EXOC4: variants seen among roughly 807,000 people sequenced by gnomAD.
EXOC4 encodes the protein exocyst complex component 4.
EXOC4 carries 71 observed loss-of-function variants against 107.2 expected under a neutral mutation model. The observed-to-expected ratio is 0.66, with a 90% CI of 0.55 to 0.81. The LOEUF (loss-of-function observed/expected upper bound fraction) is 0.81, where lower values mean the gene tolerates loss of function less well. EXOC4 is among the 30% of genes least tolerant of loss of function. The probability of loss-of-function intolerance (pLI) is 0.00; values close to 1 mark genes in which losing one functional copy is unlikely to be tolerated. For synonymous variants in EXOC4, 456 were observed against 441.2 expected (o/e 1.03, Z -0.42); for missense variants, 1,108 against 1,189.6 (o/e 0.93, Z 1.01).
rs867098160 is a variant in EXOC4, at chr7:133,755,253, T to A, written c.1515-62072T>A. Among the ~76,000 whole-genome samples, 148 of 99,978 alleles carry A rather than the reference T, an allele frequency of 1.5e-3. No homozygotes were observed. The Middle Eastern group carries it at 0.034, about 23-fold the overall frequency. 65.6% of individuals were successfully genotyped at this position (99,978 alleles called of 152,430 possible). On this transcript the variant is annotated intron_variant, in intron 10 of 17. Transcript: ENST00000253861. ...ATATATAATATATATAATATATATA[T>A]TATATATATATTATATATATTATAT...
intron 1 of EXOC4, among the ~76,000 whole-genome samples, 165 bp from the exon 2 acceptor site, chr7:133,274,817 A>G (rs1793950885): frequency 6.6e-6 from 1 of 152,226 alleles, no homozygotes; most frequent in Non-Finnish European, 1.5e-5. Context: ...ATTGAAATTT[A>G]CTGTGAAGGA....
At chr7:133,330,324 C>T (rs144541312) in intron 5 of EXOC4, among the ~76,000 whole-genome samples, 9 of 152,158 alleles carry the variant, frequency 5.9e-5, no homozygotes, top group Admixed American at 2.0e-4. Flanking sequence ...ATGCTGGCAC[C>T]GAGAATTTCA....
chr7:133,979,647 GC>G (rs1320780512), intron 14 of EXOC4, among the ~76,000 whole-genome samples: 10 of 152,168 alleles, frequency 6.6e-5, no homozygotes, highest in Middle Eastern at 3.4e-3. Context: ...AATTAGCCGG[GC>G]ATGGTGGCGG....
chr7:133,792,077 T>C (rs1796714248), intron 10 of EXOC4, among the ~76,000 whole-genome samples: 2 of 152,044 alleles, frequency 1.3e-5, no homozygotes, highest in African/African-American at 4.8e-5. Context: ...AACACGTGTA[T>C]GCCCAGACCC....
chr7:134,008,287 G>A (rs751740068), intron 17 of EXOC4, among the ~76,000 whole-genome samples: 6 of 152,124 alleles, frequency 3.9e-5, no homozygotes, highest in Non-Finnish European at 7.4e-5. Flanking sequence ...CTGGAACTGT[G>A]TTAATGCAAT....
At chr7:133,837,679 G>C (rs115098892) in intron 11 of EXOC4, among the ~76,000 whole-genome samples, 1 of 152,250 alleles carries the variant, frequency 6.6e-6, no homozygotes, top group East Asian at 1.9e-4. Flanking sequence ...TTCTTAGCTC[G>C]TGAAGCTGTT....
chr7:133,790,691 A>G (rs1414426948), intron 10 of EXOC4, among the ~76,000 whole-genome samples: 1 of 152,246 alleles, frequency 6.6e-6, no homozygotes, highest in African/African-American at 2.4e-5. Context: ...CCAGTACCTG[A>G]AGGCAACATG....
At position 133,480,138 on chromosome 7, in the gene EXOC4, G is replaced by A; in HGVS notation, c.1417G>A (p.Gly473Arg). Residue 473 changes from glycine to arginine, a missense_variant and splice_region_variant, in exon 9 of 18, where the codon GGG (glycine) becomes AGG (arginine). Coordinates refer to ENST00000253861, the MANE Select transcript of EXOC4 (RefSeq NM_021807.4). ...ELYSRSGELQ[G>R]GPDDNLIEGG... ...CTATAGTCGGAGTGGAGAACTGCAA[G>A]GTGAGTGATTGAGCTTCTCTGGAAA... 1.2e-6 allele frequency: 2 copies of A among 1,613,740 alleles called. No individual in the cohort carries two copies. The highest frequency in any genetic ancestry group is 1.7e-6 in the Non-Finnish European group (2 of 1,179,694).
intron 17 of EXOC4, among the ~76,000 whole-genome samples, chr7:134,045,620 T>C (rs1405332757): frequency 6.6e-6 from 1 of 152,226 alleles, no homozygotes; most frequent in Non-Finnish European, 1.5e-5. Flanking sequence ...TTTATCAAGA[T>C]ATAATTTACA....
chr7:134,066,479 AT>A (rs1373175239), downstream of EXOC4: 2 of 152,180 alleles, frequency 1.3e-5, no homozygotes, highest in African/African-American at 4.8e-5. Flanking sequence ...TTTGCTTACA[AT>A]GACGGGACTG....
At chr7:133,298,527 C>G (rs1436065657) in intron 3 of EXOC4, among the ~76,000 whole-genome samples, 1 of 152,112 alleles carries the variant, frequency 6.6e-6, no homozygotes, top group African/African-American at 2.4e-5. Context: ...TTTTAATGCT[C>G]TCTTACAGAG....
intron 10 of EXOC4, among the ~76,000 whole-genome samples, chr7:133,630,502 A>G (rs1017204927): frequency 2.0e-5 from 3 of 151,888 alleles, no homozygotes; most frequent in Non-Finnish European, 4.4e-5. Context: ...ATACATTTTT[A>G]TTGACACACA....
At chr7:133,355,785 C>T (rs1184136554) in intron 5 of EXOC4, among the ~76,000 whole-genome samples, 1 of 151,262 alleles carries the variant, frequency 6.6e-6, no homozygotes, top group African/African-American at 2.4e-5. Flanking sequence ...AATACCTCTT[C>T]GTTACCCTAT....
At chr7:133,320,146 T>C (rs1176360450) in intron 5 of EXOC4, among the ~76,000 whole-genome samples, 3 of 152,160 alleles carry the variant, frequency 2.0e-5, no homozygotes, top group African/African-American at 7.2e-5. Flanking sequence ...TCTAACCAGT[T>C]TGTTTTGCTG....
chr7:133,482,446 ATTCT>A (rs1219285093), intron 9 of EXOC4, among the ~76,000 whole-genome samples: 2 of 152,100 alleles, frequency 1.3e-5, no homozygotes, highest in Non-Finnish European at 2.9e-5. Context: ...CTAGTGGCAG[ATTCT>A]TTATGCTTGT....
chr7:133,481,762 A>T (rs373274065), intron 9 of EXOC4, among the ~76,000 whole-genome samples: 2 of 152,174 alleles, frequency 1.3e-5, no homozygotes. Flanking sequence ...AAGACATGCA[A>T]TGTGCATGTC....
At chr7:133,733,724 A>G (rs1208353395) in intron 10 of EXOC4, 2 of 152,128 alleles carry the variant, frequency 1.3e-5, no homozygotes, top group Non-Finnish European at 2.9e-5. Flanking sequence ...CTTAACTACT[A>G]GTTTTGTCAT....
chr7:133,460,031 TG>T (rs915848416), intron 7 of EXOC4, among the ~76,000 whole-genome samples: 9 of 152,216 alleles, frequency 5.9e-5, no homozygotes, highest in Non-Finnish European at 8.8e-5. Flanking sequence ...TCTCCATTTT[TG>T]TACACTAGAG....
At chr7:134,096,786 C>A in the EXOC4 span, among the ~76,000 whole-genome samples, 1 of 152,112 alleles carries the variant, frequency 6.6e-6, no homozygotes, top group South Asian at 2.1e-4. Context: ...TTATTCTAGC[C>A]TCGCTGGCAG....
Sources: gnomAD v4.1 joint callset for allele counts (sites outside exome capture counted in the v4.1 genomes callset) on GRCh38, gnomAD v4.1.1 for gene constraint, MANE v1.5 for transcripts, NCBI Gene and HGNC (gene_info 2026-07-23, HGNC 2026-07-21) for gene names.